The following KCTD16 variants were observed in gnomAD, a reference collection of about 807,000 sequenced individuals.
KCTD16 encodes BTB/POZ domain-containing protein KCTD16.
In KCTD16, 13 loss-of-function variants were observed where a neutral mutation model predicts 33.2. The ratio of observed to expected loss-of-function variants is 0.39; its 90% CI spans 0.25 to 0.62. KCTD16 has a LOEUF of 0.62. Ranked by LOEUF, KCTD16 falls within the 20% of genes least tolerant of loss-of-function variation. The pLI is 0.50. For missense variants in KCTD16, 441 were observed against 525.1 expected, an observed-to-expected ratio of 0.84 and a Z score of 1.57; for synonymous variants, 197 against 195.3, an observed-to-expected ratio of 1.01 and a Z score of -0.07.
chr5:144,282,327 A>T lies in KCTD16; in HGVS notation c.832+74781A>T, dbSNP rs1027678187. On this transcript the variant is annotated intron_variant, in intron 3 of 3. Coordinates refer to ENST00000512467, the MANE Select transcript of KCTD16 (RefSeq NM_020768.4). ...AGGGTGGCTCCCCAGAGAGGGCATAAAACTTCATGCCCCTTCCCACATGCC... is the reference window on the plus strand; with the variant it reads ...AGGGTGGCTCCCCAGAGAGGGCATATAACTTCATGCCCCTTCCCACATGCC... Among the ~76,000 whole-genome samples the T allele has an allele frequency of 3.3e-5, 5 of 152,166 alleles. No individual in the cohort carries two copies. The East Asian group carries it at 9.6e-4, about 29-fold the overall frequency.
chr5:144,248,503 A>G (rs984864788), intron 3 of KCTD16, among the ~76,000 whole-genome samples: 5 of 152,228 alleles, frequency 3.3e-5, no homozygotes, highest in Admixed American at 3.3e-4. Context: ...AGATGGGAGA[A>G]CAATAGAAGA....
At chr5:144,393,485 G>A (rs1752496106) in intron 3 of KCTD16, among the ~76,000 whole-genome samples, 2 of 151,956 alleles carry the variant, frequency 1.3e-5, no homozygotes, top group Admixed American at 6.6e-5. Context: ...TCAACCCCTA[G>A]GCAACAAGTA....
intron 3 of KCTD16, among the ~76,000 whole-genome samples, chr5:144,437,567 A>G (rs1287550922): frequency 6.6e-6 from 1 of 152,208 alleles, no homozygotes; most frequent in Non-Finnish European, 1.5e-5. Flanking sequence ...TTATCTATTA[A>G]TATTATTGAT....
intron 3 of KCTD16, among the ~76,000 whole-genome samples, chr5:144,417,073 G>A (rs897769218): frequency 6.6e-6 from 1 of 152,116 alleles, no homozygotes; most frequent in African/African-American, 2.4e-5. Flanking sequence ...GAATAGCGCT[G>A]CTATCATCAT....
chr5:144,325,775 C>T (rs1193599744), intron 3 of KCTD16, among the ~76,000 whole-genome samples: 1 of 152,114 alleles, frequency 6.6e-6, no homozygotes. Flanking sequence ...TGTGTCCTAA[C>T]TGCCTCTTGA....
rs151290209 is a variant in KCTD16 at position 144,337,763 on chromosome 5, T to A, written c.832+130217T>A. ...ATTCAGCTCTCTGTTCCATTACCAT[T>A]TTTTTAGAGAGAGTAGCCCTGATCT... On this transcript the variant is annotated intron_variant, in intron 3 of 3. Transcript: ENST00000512467. Among the ~76,000 whole-genome samples, 584 of 152,272 alleles carry A rather than the reference T, an allele frequency of 3.8e-3. 4 individuals carry two copies. Among genetic ancestry groups the A allele is most frequent in the Admixed American group, 0.022 (338 of 15,284 alleles).
At chr5:144,299,123 TATATATATATATATATATATATA>T (rs1561558570) in intron 3 of KCTD16, among the ~76,000 whole-genome samples, 9 of 22,322 alleles carry the variant, frequency 4.0e-4, no homozygotes, top group African/African-American at 1.9e-3. Flanking sequence ...TATATATATA[TATATATATATATATATATATATA>T]TATTTTTTTT....
intron 3 of KCTD16, among the ~76,000 whole-genome samples, chr5:144,217,617 TG>T (rs1393180906): frequency 1.3e-5 from 2 of 152,206 alleles, no homozygotes; most frequent in Admixed American, 1.3e-4. Flanking sequence ...ATTGAGGACC[TG>T]TCTTATATGA....
intron 2 of KCTD16, among the ~76,000 whole-genome samples, chr5:144,185,776 G>T (rs1013542138): frequency 6.6e-6 from 1 of 152,006 alleles, no homozygotes; most frequent in Non-Finnish European, 1.5e-5. Flanking sequence ...CCCCTTTCTT[G>T]TCATGAATGA....
chr5:144,433,879 C>T (rs1311253544), intron 3 of KCTD16, among the ~76,000 whole-genome samples: 1 of 152,170 alleles, frequency 6.6e-6, no homozygotes, highest in Non-Finnish European at 1.5e-5. Flanking sequence ...GTTATAGTCA[C>T]TGCCATCAGG....
chr5:144,296,792 T>C (rs1434663594), intron 3 of KCTD16, among the ~76,000 whole-genome samples: 1 of 152,232 alleles, frequency 6.6e-6, no homozygotes, highest in African/African-American at 2.4e-5. Context: ...GTTCTCATTT[T>C]TCAATTACTA....
chr5:144,174,463 A>T lies in KCTD16; in HGVS notation c.-336A>T, dbSNP rs1427314191. 2.6e-5 allele frequency: 4 copies of T among 152,232 alleles called. No homozygotes were observed. The highest frequency in any genetic ancestry group is 5.9e-5 in the Non-Finnish European group (4 of 68,040). 9.4% of individuals were successfully genotyped at this position (152,232 alleles called of 1,614,324 possible). The stretch of plus-strand genomic sequence containing the variant: ...CACAATGAAACCTGACAATAATGGT[A>T]AAAACCAATGTAAGTGCCAGTGTTT... On this transcript the variant is annotated 5_prime_UTR_variant, in exon 2 of 4. It introduces an in-frame stop codon into an upstream open reading frame of the 5' UTR. Transcript: ENST00000512467.
At chr5:144,464,093 C>A (rs115713934) in intron 3 of KCTD16, among the ~76,000 whole-genome samples, 1 of 152,144 alleles carries the variant, frequency 6.6e-6, no homozygotes, top group Non-Finnish European at 1.5e-5. Flanking sequence ...GAAATGACAG[C>A]TCAATTTCCT....
At chr5:144,176,766 T>G (rs1212566907) in intron 2 of KCTD16, among the ~76,000 whole-genome samples, 1 of 152,244 alleles carries the variant, frequency 6.6e-6, no homozygotes, top group Non-Finnish European at 1.5e-5. Flanking sequence ...AGAGAACAGC[T>G]TAAAAATTAC....
chr5:144,460,537 G>T (rs1392981843), intron 3 of KCTD16, among the ~76,000 whole-genome samples: 1 of 152,192 alleles, frequency 6.6e-6, no homozygotes, highest in Non-Finnish European at 1.5e-5. Flanking sequence ...TGCCTCCTGA[G>T]TTCAGGTGAT....
chr5:144,252,268 G>C (rs1043513141), intron 3 of KCTD16, among the ~76,000 whole-genome samples: 1 of 152,088 alleles, frequency 6.6e-6, no homozygotes, highest in Non-Finnish European at 1.5e-5. Flanking sequence ...TAAAATCCAA[G>C]TGTTCATTTA....
chr5:144,474,386 A>C lies in KCTD16; in HGVS notation c.*272A>C. 1 of 304,726 alleles carries C rather than the reference A, an allele frequency of 3.3e-6. No homozygotes were observed. Among genetic ancestry groups the C allele is most frequent in the Non-Finnish European group, 6.1e-6 (1 of 163,148 alleles). 18.9% of individuals were successfully genotyped at this position (304,726 alleles called of 1,614,324 possible). A position where few individuals can be genotyped will look rare whatever the true frequency, so the allele number is the denominator to read the frequency against. On this transcript the variant is annotated 3_prime_UTR_variant, in exon 4 of 4. Coordinates refer to ENST00000512467, the MANE Select transcript of KCTD16 (RefSeq NM_020768.4). ...CCATGTGCTAACTATCTTATATATA[A>C]TGAGAGCCAGCTACGTAAAAGTAGC...
At chr5:144,226,118 A>G (rs1753924351) in intron 3 of KCTD16, among the ~76,000 whole-genome samples, 1 of 152,206 alleles carries the variant, frequency 6.6e-6, no homozygotes, top group Non-Finnish European at 1.5e-5. Flanking sequence ...GCAATGAACT[A>G]TAGATGCCTC....
At chr5:144,414,929 G>T (rs1753012218) in intron 3 of KCTD16, among the ~76,000 whole-genome samples, 1 of 152,170 alleles carries the variant, frequency 6.6e-6, no homozygotes, top group Non-Finnish European at 1.5e-5. Context: ...CTTTTTAGCT[G>T]ATCCTCATAC....
Sources: allele counts gnomAD v4.1 joint callset (sites outside exome capture counted in the v4.1 genomes callset), GRCh38; gene constraint gnomAD v4.1.1; transcripts MANE v1.5; gene names NCBI Gene and HGNC (gene_info 2026-07-23, HGNC 2026-07-21).